TSNARE1: variants seen among roughly 807,000 people sequenced by gnomAD.
The protein encoded by TSNARE1 is t-SNARE domain containing 1.
TSNARE1 carries 49 observed loss-of-function variants against 62.0 expected under a neutral mutation model. That is an observed-to-expected ratio of 0.79 (90% confidence interval 0.63 to 1.00). The LOEUF (loss-of-function observed/expected upper bound fraction) is 1.00, where lower values mean the gene tolerates loss of function less well. Ranked by LOEUF, TSNARE1 falls within the 50% of genes least tolerant of loss-of-function variation. The pLI is 0.00. For synonymous variants in TSNARE1, 328 were observed against 294.4 expected, an observed-to-expected ratio of 1.11 and a Z score of -1.17; for missense variants, 755 against 700.1, an observed-to-expected ratio of 1.08 and a Z score of -0.88.
At chr8:142,270,946 T>A in intron 12 of TSNARE1, 1 of 985,470 alleles carries the variant, frequency 1.0e-6, no homozygotes, top group Non-Finnish European at 1.2e-6. Context: ...CATCCTCTCA[T>A]CCTTCCGGTC....
intron 12 of TSNARE1, among the ~76,000 whole-genome samples, chr8:142,232,492 G>T (rs186644323): frequency 2.6e-5 from 4 of 152,222 alleles, no homozygotes; most frequent in Admixed American, 1.3e-4. Context: ...GAGGGCGGCC[G>T]CAGGGAGGCA....
At chr8:142,363,340 G>A (rs2130906236) in intron 1 of TSNARE1, among the ~76,000 whole-genome samples, 1 of 152,258 alleles carries the variant, frequency 6.6e-6, no homozygotes, top group South Asian at 2.1e-4. Context: ...TCCATCACCG[G>A]TGGAGGTGGC....
Position 142,300,601 on chromosome 8 carries a change from A to G in TSNARE1, c.1175T>C (p.Val392Ala), listed in dbSNP as rs754024701. ...CCACATGTTGTCACTCCCGTTAAAGACCTTCTCATCATCAGCCAGCTCGGC... is the reference window on the plus strand; with the variant it reads ...CCACATGTTGTCACTCCCGTTAAAGGCCTTCTCATCATCAGCCAGCTCGGC... ...PFAELADDEK[V>A]FNGSDNMWQG... Residue 392 changes from valine to alanine, a missense_variant, in exon 10 of 14, where the codon GTC (valine) becomes GCC (alanine). Transcript: ENST00000524325. 2 of 1,613,578 alleles carry G rather than the reference A, an allele frequency of 1.2e-6. No homozygotes were observed. Among genetic ancestry groups the G allele is most frequent in the Non-Finnish European group, 8.5e-7 (1 of 1,179,950 alleles).
chr8:142,327,061 C>T (rs562625139), intron 6 of TSNARE1, among the ~76,000 whole-genome samples: 2 of 152,288 alleles, frequency 1.3e-5, no homozygotes, highest in African/African-American at 2.4e-5. Flanking sequence ...CTGGCAGTTC[C>T]TCAAAGGATT....
intron 10 of TSNARE1, chr8:142,300,091 C>CA: frequency 1.2e-5 from 2 of 163,086 alleles, no homozygotes; most frequent in Non-Finnish European, 1.3e-5. Flanking sequence ...TTCAACCTTT[C>CA]AAAAAAAAGT....
chr8:142,378,030 C>T (rs2131158694), intron 1 of TSNARE1, among the ~76,000 whole-genome samples: 1 of 152,334 alleles, frequency 6.6e-6, no homozygotes, highest in African/African-American at 2.4e-5. Flanking sequence ...CTATGCGGTC[C>T]TTTCTGATAT....
At position 142,314,383 on chromosome 8, in the gene TSNARE1, C is replaced by A; in HGVS notation, c.1131+1G>T. On this transcript the variant is annotated splice_donor_variant, in intron 9 of 13. Coordinates refer to ENST00000524325, the MANE Select transcript of TSNARE1 (RefSeq NM_145003.5). LOFTEE classifies it high-confidence loss of function. ...GACCATGGTCAGTACTCGGCACCCA[C>A]CTGTTTACTGCCCCTCTGCGCCATG... The A allele has an allele frequency of 6.2e-7, 1 of 1,613,664 alleles. No individual in the cohort carries two copies. Among genetic ancestry groups the A allele is most frequent in the Non-Finnish European group, 8.5e-7 (1 of 1,179,760 alleles).
intron 2 of TSNARE1, among the ~76,000 whole-genome samples, chr8:142,349,651 G>A (rs1429587973): frequency 6.6e-6 from 1 of 152,214 alleles, no homozygotes. Context: ...TACAAATACA[G>A]AATATCAGGA....
At chr8:142,395,316 G>A (rs961146024) in intron 1 of TSNARE1, among the ~76,000 whole-genome samples, 2 of 152,142 alleles carry the variant, frequency 1.3e-5, no homozygotes, top group Non-Finnish European at 2.9e-5. Flanking sequence ...TGCCCTCCCC[G>A]GGAGGCACCA....
chr8:142,271,575 A>G (rs1586918259), intron 12 of TSNARE1: 1 of 1,409,590 alleles, frequency 7.1e-7, no homozygotes, highest in Non-Finnish European at 9.2e-7. Context: ...GAGGGTGAGG[A>G]GGTGGGTGCG....
At chr8:142,275,295 G>C (rs1820278618) in intron 11 of TSNARE1, 1 of 985,346 alleles carries the variant, frequency 1.0e-6, no homozygotes. Flanking sequence ...GGCTGATGGA[G>C]ACCGGGTCTG....
rs1054973994 is a variant in TSNARE1, at chr8:142,274,203, A to G, written c.1446+578T>C. ...CAATGGGGACAGAGCCAGTGAGGGG[A>G]AGACAGCGGCTGGGCCTCCATCTCA... On this transcript the variant is annotated intron_variant, in intron 12 of 13. Transcript: ENST00000524325. 13 of 985,264 alleles carry G rather than the reference A, an allele frequency of 1.3e-5. No individual in the cohort carries two copies. The African/African-American group carries it at 2.1e-4, about 16-fold the overall frequency. The allele number at this position is 985,264 out of a possible 1,614,324, so 61.0% of individuals were successfully genotyped here.
intron 11 of TSNARE1, chr8:142,277,900 G>A: frequency 3.0e-6 from 3 of 985,248 alleles, no homozygotes; most frequent in South Asian, 4.7e-5. Flanking sequence ...ACCCCTGCCA[G>A]GCCCCTCCTT....
chr8:142,214,255 C>T (rs537491806), intron 13 of TSNARE1, among the ~76,000 whole-genome samples: 2 of 152,320 alleles, frequency 1.3e-5, no homozygotes, highest in South Asian at 4.1e-4. Flanking sequence ...ACCCCGCTCC[C>T]CACCCACAGC....
At chr8:142,235,907 G>A (rs978952282) in intron 12 of TSNARE1, among the ~76,000 whole-genome samples, 12 of 152,278 alleles carry the variant, frequency 7.9e-5, no homozygotes, top group East Asian at 3.9e-4. Flanking sequence ...GGAGCATGGC[G>A]GGGCAGGAGG....
chr8:142,353,539 C>G (rs961661056), intron 2 of TSNARE1, among the ~76,000 whole-genome samples: 2 of 152,220 alleles, frequency 1.3e-5, no homozygotes, highest in African/African-American at 4.8e-5. Flanking sequence ...CTGCACCCGT[C>G]CTCCCTGCTG....
At chr8:142,307,392 C>CA (rs1220207129) in intron 9 of TSNARE1, among the ~76,000 whole-genome samples, 2 of 152,212 alleles carry the variant, frequency 1.3e-5, no homozygotes, top group Non-Finnish European at 2.9e-5. Flanking sequence ...TGTCAACACA[C>CA]AGTTGTCCTG....
intron 10 of TSNARE1, among the ~76,000 whole-genome samples, chr8:142,294,134 G>A (rs993686733): frequency 9.2e-5 from 14 of 152,042 alleles, no homozygotes; most frequent in African/African-American, 1.4e-4. Context: ...GACCCCCTGC[G>A]GACCTCAGAG....
At position 142,273,655 on chromosome 8, in the gene TSNARE1, G is replaced by A. The variant is rs529992165; in HGVS notation, c.1446+1126C>T. On this transcript the variant is annotated intron_variant, in intron 12 of 13. Transcript: ENST00000524325. ...TCTCATGGCCCCCGACAGAAATGGG[G>A]AGGCCCAAACTGGGATCAGCCTCCC... The A allele has an allele frequency of 3.0e-6, 3 of 985,298 alleles. No individual in the cohort carries two copies. The Admixed American group carries it at 1.8e-4, about 61-fold the overall frequency. The allele number at this position is 985,298 out of a possible 1,614,324, so 61.0% of individuals were successfully genotyped here.
Sources: gnomAD v4.1 joint callset for allele counts (sites outside exome capture counted in the v4.1 genomes callset) on GRCh38, gnomAD v4.1.1 for gene constraint, MANE v1.5 for transcripts, NCBI Gene and HGNC (gene_info 2026-07-23, HGNC 2026-07-21) for gene names.